GNB4: variants seen among roughly 807,000 people sequenced by gnomAD.
The protein encoded by GNB4 is guanine nucleotide-binding protein subunit beta-4.
In GNB4, 28 loss-of-function variants were observed where a neutral mutation model predicts 45.2. The ratio of observed to expected loss-of-function variants is 0.62; its 90% CI spans 0.46 to 0.85. The LOEUF (loss-of-function observed/expected upper bound fraction) is 0.85. GNB4 is among the 40% of genes least tolerant of loss of function. The pLI is 0.00. For missense variants in GNB4, 321 were observed against 425.4 expected (o/e 0.75, Z 2.16); for synonymous variants, 132 against 143.7 (o/e 0.92, Z 0.58).
At chr3:179,405,646 TCAA>T in intron 8 of GNB4, 1 of 408,724 alleles carries the variant, frequency 2.4e-6, no homozygotes. Context: ...CAGCAAGTAT[TCAA>T]CAAATACTGG....
At chr3:179,517,029 T>C in the GNB4 span, among the ~76,000 whole-genome samples, 1 of 152,180 alleles carries the variant, frequency 6.6e-6, no homozygotes, top group African/African-American at 2.4e-5. Context: ...GAAACCTCTT[T>C]CAGTCCATAT....
chr3:179,421,683 T>C (rs1714986131), intron 2 of GNB4, among the ~76,000 whole-genome samples: 1 of 152,194 alleles, frequency 6.6e-6, no homozygotes. Context: ...GAGGGAAAAA[T>C]GCCTGCTTCA....
At chr3:179,421,956 G>C (rs1417380058) in intron 2 of GNB4, among the ~76,000 whole-genome samples, 1 of 152,142 alleles carries the variant, frequency 6.6e-6, no homozygotes, top group Non-Finnish European at 1.5e-5. Flanking sequence ...TAGAGTTAAA[G>C]ACCAAATTCT....
chr3:179,462,039 AT>A, the GNB4 span, among the ~76,000 whole-genome samples: 1 of 152,368 alleles, frequency 6.6e-6, no homozygotes, highest in East Asian at 1.9e-4. Context: ...CTCACCTGGC[AT>A]AGCCTTCTAT....
chr3:179,439,053 C>T (rs1715531629), intron 1 of GNB4, among the ~76,000 whole-genome samples: 1 of 152,158 alleles, frequency 6.6e-6, no homozygotes, highest in Non-Finnish European at 1.5e-5. Flanking sequence ...ACGTAGAAAC[C>T]TGTTAGAAAT....
At chr3:179,477,284 C>A in the GNB4 span, among the ~76,000 whole-genome samples, 1 of 152,190 alleles carries the variant, frequency 6.6e-6, no homozygotes, top group Non-Finnish European at 1.5e-5. Context: ...TAAATCTCAT[C>A]TTTTAGTCTT....
intron 1 of GNB4, among the ~76,000 whole-genome samples, chr3:179,443,539 A>C (rs922962749): frequency 6.6e-5 from 10 of 152,228 alleles, no homozygotes; most frequent in Non-Finnish European, 1.5e-4. Flanking sequence ...ACGTCTCAAA[A>C]AAACAGGTAA....
chr3:179,403,800 AAAAAT>A (rs3976513), intron 9 of GNB4, among the ~76,000 whole-genome samples: 50 of 148,552 alleles, frequency 3.4e-4, no homozygotes, highest in African/African-American at 6.7e-4. Flanking sequence ...TCCGTCTCAA[AAAAAT>A]AAAATAAAAT....
At chr3:179,506,507 A>G in the GNB4 span, among the ~76,000 whole-genome samples, 1 of 152,190 alleles carries the variant, frequency 6.6e-6, no homozygotes, top group African/African-American at 2.4e-5. Flanking sequence ...GGGAGGAGAA[A>G]TACACATAAA....
At chr3:179,519,591 T>C in the GNB4 span, among the ~76,000 whole-genome samples, 2 of 152,156 alleles carry the variant, frequency 1.3e-5, no homozygotes, top group African/African-American at 4.8e-5. Flanking sequence ...CTTTTTTAGT[T>C]ATCCCCACCT....
the GNB4 span, among the ~76,000 whole-genome samples, chr3:179,527,692 C>G: frequency 1.3e-4 from 20 of 151,892 alleles, no homozygotes; most frequent in Non-Finnish European, 2.4e-4. Flanking sequence ...GATTTTCATA[C>G]AAATATATAG....
At chr3:179,519,828 T>C in the GNB4 span, among the ~76,000 whole-genome samples, 35 of 152,280 alleles carry the variant, frequency 2.3e-4, no homozygotes, top group South Asian at 3.1e-3. Flanking sequence ...TAATCACCCT[T>C]ACCCTGCTCA....
chr3:179,480,550 C>G, the GNB4 span, among the ~76,000 whole-genome samples: 2 of 149,508 alleles, frequency 1.3e-5, no homozygotes, highest in Non-Finnish European at 2.9e-5. Context: ...AGGATCCTCT[C>G]GGAGGATCCT....
At chr3:179,442,327 C>G (rs1715615951) in intron 1 of GNB4, among the ~76,000 whole-genome samples, 1 of 152,132 alleles carries the variant, frequency 6.6e-6, no homozygotes, top group Non-Finnish European at 1.5e-5. Context: ...ATATTTTCAC[C>G]TGTACTACTT....
At chr3:179,478,086 T>A in the GNB4 span, among the ~76,000 whole-genome samples, 21 of 152,128 alleles carry the variant, frequency 1.4e-4, no homozygotes, top group African/African-American at 4.8e-4. Context: ...GCTGTGATAT[T>A]TTCTGGAAGA....
At chr3:179,479,951 C>T in the GNB4 span, among the ~76,000 whole-genome samples, 1 of 152,112 alleles carries the variant, frequency 6.6e-6, no homozygotes, top group Non-Finnish European at 1.5e-5. Flanking sequence ...CCTCTGCCCA[C>T]GTGAATGGAT....
intron 1 of GNB4, among the ~76,000 whole-genome samples, chr3:179,438,263 G>A (rs1289988131): frequency 2.6e-5 from 4 of 152,106 alleles, no homozygotes; most frequent in African/African-American, 4.8e-5. Flanking sequence ...TTCCACAGAC[G>A]AGGAAACTTT....
chr3:179,429,515 T>A (rs1007331281), intron 1 of GNB4, among the ~76,000 whole-genome samples: 4 of 152,184 alleles, frequency 2.6e-5, no homozygotes, highest in African/African-American at 9.6e-5. Context: ...AGAAAAAAGA[T>A]GAGGGGTCCA....
intron 2 of GNB4, among the ~76,000 whole-genome samples, chr3:179,424,432 C>G (rs954286338): frequency 6.6e-6 from 1 of 152,176 alleles, no homozygotes; most frequent in Non-Finnish European, 1.5e-5. Flanking sequence ...TGTTGAGATA[C>G]CTAAGATTTC....
Sources: gnomAD v4.1 joint callset for allele counts (sites outside exome capture counted in the v4.1 genomes callset) on GRCh38, gnomAD v4.1.1 for gene constraint, MANE v1.5 for transcripts, NCBI Gene and HGNC (gene_info 2026-07-23, HGNC 2026-07-21) for gene names.